CNTNAP2: variants seen among roughly 807,000 people sequenced by gnomAD.
The protein encoded by CNTNAP2 is contactin associated protein 2, also known as contactin-associated protein-like 2.
Under a neutral mutation model 155.2 loss-of-function variants are expected in CNTNAP2, and 98 were observed. That is an observed-to-expected ratio of 0.63 (90% CI 0.54 to 0.75). The LOEUF is 0.75. CNTNAP2 is among the 30% of genes least tolerant of loss of function. The pLI, the probability that CNTNAP2 is intolerant of heterozygous loss-of-function variation, is 0.00. For missense variants in CNTNAP2, 1,727 were observed against 1,688.1 expected, an observed-to-expected ratio of 1.02 and a Z score of -0.40; for synonymous variants, 651 against 631.2, an observed-to-expected ratio of 1.03 and a Z score of -0.47.
Position 146,853,880 on chromosome 7 carries a change from G to A in CNTNAP2, c.402+13976G>A, listed in dbSNP as rs540818410. 7.2e-5 allele frequency among the ~76,000 whole-genome samples: 11 copies of A among 152,124 alleles called. No individual in the cohort carries two copies. In the East Asian group the frequency reaches 2.1e-3, roughly 29 times the overall value. On this transcript the variant is annotated intron_variant, in intron 3 of 23. Coordinates refer to ENST00000361727, the MANE Select transcript of CNTNAP2 (RefSeq NM_014141.6). ...ACATTGGAATATGCAGCTATAATTA[G>A]GTTTACAATTTATAAACAATAATGT...
At chr7:146,201,867 A>G (rs1459727524) in intron 1 of CNTNAP2, among the ~76,000 whole-genome samples, 1 of 152,174 alleles carries the variant, frequency 6.6e-6, no homozygotes, top group Non-Finnish European at 1.5e-5. Flanking sequence ...GAAACACACA[A>G]TAAAATAACA....
At chr7:147,404,396 T>C (rs1347213852) in intron 10 of CNTNAP2, among the ~76,000 whole-genome samples, 2 of 152,160 alleles carry the variant, frequency 1.3e-5, no homozygotes, top group Admixed American at 6.5e-5. Context: ...CTTAAACATA[T>C]AGAAAAACGT....
At chr7:147,750,545 C>A (rs1797117036) in intron 13 of CNTNAP2, among the ~76,000 whole-genome samples, 1 of 152,136 alleles carries the variant, frequency 6.6e-6, no homozygotes, top group African/African-American at 2.4e-5. Flanking sequence ...GTAAGAACTT[C>A]TTTAGAAAGG....
chr7:146,146,042 A>T lies in CNTNAP2; in HGVS notation c.97+29069A>T, dbSNP rs1797952367. ...CCTTTAAATGATATATTTTGTTTTAAGAATATTGTTCAGCTCAGATATCAG... is the reference window on the plus strand; with the variant it reads ...CCTTTAAATGATATATTTTGTTTTATGAATATTGTTCAGCTCAGATATCAG... On this transcript the variant is annotated intron_variant, in intron 1 of 23. Coordinates refer to ENST00000361727, the MANE Select transcript of CNTNAP2 (RefSeq NM_014141.6). 1.4e-4 allele frequency among the ~76,000 whole-genome samples: 22 copies of T among 152,224 alleles called. 1 individual carries two copies. The highest frequency in any genetic ancestry group is 1.4e-3 in the Admixed American group (22 of 15,262).
chr7:147,733,493 G>A (rs1321965423), intron 13 of CNTNAP2, among the ~76,000 whole-genome samples: 3 of 152,162 alleles, frequency 2.0e-5, no homozygotes, highest in Non-Finnish European at 2.9e-5. Flanking sequence ...GGATTGACTT[G>A]CCAATGTGGG....
At chr7:146,581,323 C>A (rs1454943321) in intron 1 of CNTNAP2, among the ~76,000 whole-genome samples, 1 of 152,066 alleles carries the variant, frequency 6.6e-6, no homozygotes, top group East Asian at 1.9e-4. Context: ...TCAGAATCAG[C>A]CATCTCCTAA....
rs1198637238 is a variant in CNTNAP2 at position 148,287,409 on chromosome 7, T to C, written c.3475+20283T>C. Among the ~76,000 whole-genome samples the C allele has an allele frequency of 9.9e-5, 15 of 152,284 alleles. No homozygotes were observed. In the South Asian group the frequency reaches 1.9e-3, roughly 19 times the overall value. ...AGCTTCGCTCATAATTGTATACACC[T>C]CCCAGCTCTTGGACTAGGTAACATC... On this transcript the variant is annotated intron_variant, in intron 21 of 23. Transcript: ENST00000361727.
intron 15 of CNTNAP2, among the ~76,000 whole-genome samples, chr7:148,112,593 C>T (rs1444175738): frequency 1.3e-5 from 2 of 152,020 alleles, no homozygotes; most frequent in Non-Finnish European, 2.9e-5. Context: ...CAGGATCTCA[C>T]TGTGTTGCCC....
intron 1 of CNTNAP2, among the ~76,000 whole-genome samples, chr7:146,534,663 T>C (rs1019165987): frequency 6.6e-6 from 1 of 152,044 alleles, no homozygotes; most frequent in African/African-American, 2.4e-5. Context: ...TGCAGTTACA[T>C]GCTATCTAAA....
At chr7:146,488,136 TCAC>T (rs1191263240) in intron 1 of CNTNAP2, among the ~76,000 whole-genome samples, 1 of 152,160 alleles carries the variant, frequency 6.6e-6, no homozygotes, top group African/African-American at 2.4e-5. Flanking sequence ...TCAAATTGTA[TCAC>T]CACATCTAGT....
chr7:147,416,526 C>T (rs1563196722), intron 10 of CNTNAP2, among the ~76,000 whole-genome samples: 1 of 152,136 alleles, frequency 6.6e-6, no homozygotes, highest in South Asian at 2.1e-4. Flanking sequence ...TCCTGAGATC[C>T]CTCCACAGTC....
At chr7:146,250,054 A>G (rs1799731759) in intron 1 of CNTNAP2, among the ~76,000 whole-genome samples, 2 of 152,166 alleles carry the variant, frequency 1.3e-5, no homozygotes, top group South Asian at 2.1e-4. Context: ...AACACCAGCT[A>G]TTAATCTGAA....
At chr7:148,014,430 C>T (rs565825552) in intron 15 of CNTNAP2, 2 of 152,234 alleles carry the variant, frequency 1.3e-5, no homozygotes, top group Admixed American at 6.5e-5. Flanking sequence ...GAATGCAATA[C>T]TATCATTGTT....
chr7:148,360,561 T>A (rs1485092133), intron 21 of CNTNAP2, among the ~76,000 whole-genome samples: 1 of 145,008 alleles, frequency 6.9e-6, no homozygotes, highest in East Asian at 1.9e-4. Context: ...TAAACACTTT[T>A]AAAAACTTAA....
At chr7:147,246,811 A>G (rs995833993) in intron 8 of CNTNAP2, among the ~76,000 whole-genome samples, 1 of 152,234 alleles carries the variant, frequency 6.6e-6, no homozygotes, top group Admixed American at 6.5e-5. Context: ...ACCAAGTTAC[A>G]AGATAAAATC....
intron 8 of CNTNAP2, among the ~76,000 whole-genome samples, chr7:147,179,751 GA>G (rs1802417202): frequency 6.6e-6 from 1 of 151,990 alleles, no homozygotes. Flanking sequence ...AGGAGGGAGA[GA>G]AATATAGGAA....
chr7:146,768,538 C>T (rs541900963), intron 1 of CNTNAP2, among the ~76,000 whole-genome samples: 1 of 151,956 alleles, frequency 6.6e-6, no homozygotes, highest in Admixed American at 6.5e-5. Context: ...AAGGAATAGT[C>T]ATAACACGTG....
In CNTNAP2 at chr7:146,988,617, G is replaced by A. The variant is rs1798157446; in HGVS notation, c.403-55290G>A. On this transcript the variant is annotated intron_variant, in intron 3 of 23. Transcript: ENST00000361727. ...GAAGCTTTATAAAGGATCAGTTATT[G>A]TATCTTTGAGCTGATGAAATAGTTT... Among the ~76,000 whole-genome samples, 5 of 152,112 alleles carry A rather than the reference G, an allele frequency of 3.3e-5. No homozygotes were observed. The South Asian group carries it at 1.0e-3, about 32-fold the overall frequency.
intron 21 of CNTNAP2, among the ~76,000 whole-genome samples, chr7:148,340,826 CTAAG>C (rs1238293326): frequency 6.6e-6 from 1 of 152,180 alleles, no homozygotes; most frequent in African/African-American, 2.4e-5. Context: ...ATGAGAGAGA[CTAAG>C]AGAGAACAGA....
Sources: allele counts gnomAD v4.1 joint callset (sites outside exome capture counted in the v4.1 genomes callset), GRCh38; gene constraint gnomAD v4.1.1; transcripts MANE v1.5; gene names NCBI Gene and HGNC (gene_info 2026-07-23, HGNC 2026-07-21).